Variants in BTAF1 observed in about 807,000 individuals in gnomAD.
BTAF1 encodes TATA-binding protein-associated factor 172.
Under a neutral mutation model 227.1 loss-of-function variants are expected in BTAF1, and 38 were observed. That is an observed-to-expected ratio of 0.17 (90% CI 0.13 to 0.22). The LOEUF is 0.22. Ranked by LOEUF, BTAF1 falls within the 10% of genes least tolerant of loss-of-function variation. The pLI is 1.00. For missense variants in BTAF1, 1,598 were observed against 2,204.0 expected (o/e 0.73, Z 5.51); for synonymous variants, 742 against 751.9 (o/e 0.99, Z 0.21).
chr10:91,937,097 C>A (rs527704338), intron 2 of BTAF1, among the ~76,000 whole-genome samples: 1 of 151,314 alleles, frequency 6.6e-6, no homozygotes, highest in South Asian at 2.1e-4. Flanking sequence ...TGGGTTCAGG[C>A]GATTCTCCTG....
chr10:92,022,545 G>A (rs1851213597), intron 34 of BTAF1, among the ~76,000 whole-genome samples: 1 of 152,046 alleles, frequency 6.6e-6, no homozygotes, highest in Non-Finnish European at 1.5e-5. Context: ...AGCCTCCCAA[G>A]TAACTAGGAC....
intron 1 of BTAF1, among the ~76,000 whole-genome samples, chr10:91,934,252 T>A (rs77809765): frequency 6.6e-6 from 1 of 152,036 alleles, no homozygotes; most frequent in South Asian, 2.1e-4. Context: ...TTTTTTTTTT[T>A]AAGACACAGT....
intron 2 of BTAF1, among the ~76,000 whole-genome samples, chr10:91,936,633 T>C (rs1344861510): frequency 1.3e-5 from 2 of 152,208 alleles, no homozygotes; most frequent in African/African-American, 4.8e-5. Flanking sequence ...ACTTTCTAAC[T>C]AGGATGTAGA....
chr10:91,930,148 TATTAATACATAATATGTA>T (rs1844175797), intron 1 of BTAF1, among the ~76,000 whole-genome samples: 1 of 152,194 alleles, frequency 6.6e-6, no homozygotes, highest in Non-Finnish European at 1.5e-5. Context: ...GAATTTTACA[TATTAATACATAATATGTA>T]TTAATAAGAA....
At chr10:92,018,118 C>CT (rs1277697255) in intron 33 of BTAF1, among the ~76,000 whole-genome samples, 1 of 152,092 alleles carries the variant, frequency 6.6e-6, no homozygotes, top group Non-Finnish European at 1.5e-5. Context: ...GAGTCTCGCT[C>CT]TGTCACCCAG....
At chr10:91,954,509 T>C (rs1254833723) in intron 6 of BTAF1, among the ~76,000 whole-genome samples, 2 of 152,086 alleles carry the variant, frequency 1.3e-5, no homozygotes, top group African/African-American at 4.8e-5. Flanking sequence ...TTCAAAACTA[T>C]TTCCTTCAGG....
chr10:91,938,081 A>G (rs1276197133), intron 2 of BTAF1, among the ~76,000 whole-genome samples: 1 of 152,228 alleles, frequency 6.6e-6, no homozygotes, highest in Non-Finnish European at 1.5e-5. Flanking sequence ...CAGAGAAGCA[A>G]TACATTTGTA....
At chr10:91,945,979 A>G (rs762064378) in intron 4 of BTAF1, among the ~76,000 whole-genome samples, 1 of 152,192 alleles carries the variant, frequency 6.6e-6, no homozygotes, top group Non-Finnish European at 1.5e-5. Context: ...TGCCATCCTA[A>G]TGGATATGAT....
intron 1 of BTAF1, among the ~76,000 whole-genome samples, chr10:91,924,664 C>G (rs2133739165): frequency 6.6e-6 from 1 of 152,326 alleles, no homozygotes; most frequent in Non-Finnish European, 1.5e-5. Flanking sequence ...GCATCATTTT[C>G]CGTAACTAAG....
Position 92,028,775 on chromosome 10 carries a change from C to G in BTAF1, c.5407-15C>G. 1 of 1,392,132 alleles carries G rather than the reference C, an allele frequency of 7.2e-7. No homozygotes were observed. Among genetic ancestry groups the G allele is most frequent in the Non-Finnish European group, 9.4e-7 (1 of 1,058,758 alleles). 86.2% of individuals were successfully genotyped at this position (1,392,132 alleles called of 1,614,324 possible). A position where few individuals can be genotyped will look rare whatever the true frequency, so the allele number is the denominator to read the frequency against. On this transcript the variant is annotated splice_polypyrimidine_tract_variant and intron_variant, in intron 37 of 37. Coordinates refer to ENST00000265990, the MANE Select transcript of BTAF1 (RefSeq NM_003972.3). ...TCTCATTTTATTTTTTTTTTTTTTG[C>G]CAATTTTTCTTAAGGATGGCAAAGC...
At chr10:91,926,448 C>G (rs1304718453) in intron 1 of BTAF1, among the ~76,000 whole-genome samples, 1 of 152,162 alleles carries the variant, frequency 6.6e-6, no homozygotes, top group Admixed American at 6.5e-5. Context: ...CTCCCACACC[C>G]CATGTCCAGC....
rs1240093530 is a variant in BTAF1, at chr10:91,993,854, A to G, written c.3199+7A>G. On this transcript the variant is annotated splice_region_variant and intron_variant, in intron 22 of 37. Coordinates refer to ENST00000265990, the MANE Select transcript of BTAF1 (RefSeq NM_003972.3). ...ATCGACATAAATAATTTTGGTATAC[A>G]CATATTTTTATGAGTCCAGTTTTTA... The G allele has an allele frequency of 1.3e-6, 2 of 1,565,816 alleles. No homozygotes were observed. Among genetic ancestry groups the G allele is most frequent in the South Asian group, 1.2e-5 (1 of 81,962 alleles).
intron 14 of BTAF1, among the ~76,000 whole-genome samples, chr10:91,979,676 C>T (rs1847940665): frequency 6.6e-6 from 1 of 152,124 alleles, no homozygotes; most frequent in Admixed American, 6.6e-5. Flanking sequence ...ATCCAGTGAG[C>T]TTGTAATTGT....
At chr10:91,959,267 G>A in intron 9 of BTAF1, 113 bp downstream of exon 9, 8 of 1,529,086 alleles carry the variant, frequency 5.2e-6, no homozygotes, top group Non-Finnish European at 7.0e-6. Context: ...TAAATAAGAG[G>A]AAGAGATATG....
At chr10:92,005,735 TAACA>T (rs1374360493) in intron 25 of BTAF1, among the ~76,000 whole-genome samples, 3 of 152,206 alleles carry the variant, frequency 2.0e-5, no homozygotes, top group African/African-American at 7.2e-5. Context: ...TTCATTTAAA[TAACA>T]AACCTACATG....
chr10:91,982,021 G>A, intron 16 of BTAF1, 62 bp from the exon 17 acceptor site: 3 of 1,520,336 alleles, frequency 2.0e-6, no homozygotes. Flanking sequence ...TCATATTTTT[G>A]TTGTTGCCTA....
Position 92,024,761 on chromosome 10 carries a change from G to A in BTAF1, c.4869G>A (p.Leu1623=). ...APKLSALKQL[L]LDCGLGNGST... ...TTTTTTTTTTTCTTCCTAAGTTGCT[G>A]TTGGACTGCGGTTTGGGAAATGGCA... The change falls in exon 35 of 38, where the codon CTG becomes CTA. Residue 1623 remains leucine (L), a synonymous_variant. Coordinates refer to ENST00000265990, the MANE Select transcript of BTAF1 (RefSeq NM_003972.3). 1.4e-6 allele frequency: 2 copies of A among 1,456,432 alleles called. No homozygotes were observed. Among genetic ancestry groups the A allele is most frequent in the South Asian group, 1.3e-5 (1 of 78,788 alleles). 90.2% of individuals were successfully genotyped at this position (1,456,432 alleles called of 1,614,324 possible).
At chr10:91,941,427 A>C (rs547883176) in intron 3 of BTAF1, among the ~76,000 whole-genome samples, 1 of 152,248 alleles carries the variant, frequency 6.6e-6, no homozygotes, top group Non-Finnish European at 1.5e-5. Flanking sequence ...GATGCCAGCT[A>C]AACAAACTAT....
intron 3 of BTAF1, 31 bp downstream of exon 3, chr10:91,940,097 TA>T: frequency 7.1e-7 from 1 of 1,406,178 alleles, no homozygotes; most frequent in Non-Finnish European, 1.0e-6. Flanking sequence ...TAGTTTTAAG[TA>T]AAAACCTAAC....
Sources: allele counts gnomAD v4.1 joint callset (sites outside exome capture counted in the v4.1 genomes callset), GRCh38; gene constraint gnomAD v4.1.1; transcripts MANE v1.5; gene names NCBI Gene and HGNC (gene_info 2026-07-23, HGNC 2026-07-21).